DCSTAMP: variants seen among roughly 807,000 people sequenced by gnomAD.
DCSTAMP encodes dendritic cell-specific transmembrane protein.
In DCSTAMP, 25 loss-of-function variants were observed where a neutral mutation model predicts 33.8. The observed-to-expected ratio is 0.74, with a 90% CI of 0.54 to 1.03. DCSTAMP has a LOEUF of 1.03. Ranked by LOEUF, DCSTAMP falls within the 50% of genes least tolerant of loss-of-function variation. The pLI is 0.00. For missense variants in DCSTAMP, 531 were observed against 556.8 expected, an observed-to-expected ratio of 0.95 and a Z score of 0.47; for synonymous variants, 245 against 216.7, an observed-to-expected ratio of 1.13 and a Z score of -1.15.
At chr8:104,342,609 T>A (rs1018626610) in intron 1 of DCSTAMP, among the ~76,000 whole-genome samples, 5 of 152,232 alleles carry the variant, frequency 3.3e-5, no homozygotes, top group Admixed American at 3.3e-4. Flanking sequence ...ATCTCCTTAC[T>A]TCCTTCACTG....
At chr8:104,355,575 T>C (rs1810601563) in intron 3 of DCSTAMP, among the ~76,000 whole-genome samples, 1 of 152,140 alleles carries the variant, frequency 6.6e-6, no homozygotes, top group South Asian at 2.1e-4. Context: ...AATTTGTTCA[T>C]TTTCCAGTGT....
rs1810628411 is a variant in DCSTAMP, at chr8:104,356,482, A to G, written c.*284A>G. ...GCTGGGTCCCCTGGTGATGAGTTTC[A>G]GCATAGAATAATGTTCAAGGAAAAG... On this transcript the variant is annotated 3_prime_UTR_variant, in exon 4 of 4. Transcript: ENST00000297581. The G allele has an allele frequency of 8.5e-6, 2 of 234,096 alleles. No homozygotes were observed. Among genetic ancestry groups the G allele is most frequent in the South Asian group, 1.4e-4 (1 of 7,080 alleles). The allele number at this position is 234,096 out of a possible 1,614,324, so 14.5% of individuals were successfully genotyped here.
intron 1 of DCSTAMP, among the ~76,000 whole-genome samples, chr8:104,346,991 T>G (rs1810331772): frequency 6.6e-6 from 1 of 152,270 alleles, no homozygotes; most frequent in Non-Finnish European, 1.5e-5. Context: ...TATTTGAGAT[T>G]GTTTAAAAAC....
chr8:104,349,075 C>A lies in DCSTAMP; in HGVS notation c.523C>A (p.Leu175Ile). Residue 175 changes from leucine (L) to isoleucine (I), a missense_variant, in exon 2 of 4, where the codon CTT (leucine) becomes ATT (isoleucine). By Grantham distance (5) the Leu-to-Ile change is conservative (BLOSUM62 2). Coordinates refer to ENST00000297581, the MANE Select transcript of DCSTAMP (RefSeq NM_030788.4). The part of the protein sequence containing the change: ...VSWNQTLAVS[L>I]FSPSHVLEAQ... The stretch of plus-strand genomic sequence containing the variant: ...TTGGAACCAGACCCTGGCAGTCTCT[C>A]TTTTCAGTCCCAGCCATGTCCTGGA... 2.5e-6 allele frequency: 4 copies of A among 1,614,146 alleles called. No individual in the cohort carries two copies. Among genetic ancestry groups the A allele is most frequent in the Non-Finnish European group, 3.4e-6 (4 of 1,180,048 alleles).
chr8:104,342,836 C>G (rs999163765), intron 1 of DCSTAMP, among the ~76,000 whole-genome samples: 2 of 152,126 alleles, frequency 1.3e-5, no homozygotes, highest in South Asian at 4.1e-4. Context: ...CCGGGGTGCC[C>G]GAGTTTAAGG....
intron 2 of DCSTAMP, among the ~76,000 whole-genome samples, chr8:104,349,981 C>T (rs993504261): frequency 2.6e-5 from 4 of 152,166 alleles, no homozygotes; most frequent in Admixed American, 2.6e-4. Context: ...CCACATCACT[C>T]CCGTCTCTGC....
chr8:104,356,382 A>T lies in DCSTAMP; in HGVS notation c.*184A>T, dbSNP rs1564068907. The stretch of plus-strand genomic sequence containing the variant: ...TTCATCTCAAAGCCAAAGAGCTGCC[A>T]GGTAAATGGTTATGTGGTCTATGTT... On this transcript the variant is annotated 3_prime_UTR_variant, in exon 4 of 4. Transcript: ENST00000297581. The T allele has an allele frequency of 2.0e-6, 1 of 487,910 alleles. No individual in the cohort carries two copies. Among genetic ancestry groups the T allele is most frequent in the Non-Finnish European group, 3.6e-6 (1 of 280,862 alleles). The allele number at this position is 487,910 out of a possible 1,614,324, so 30.2% of individuals were successfully genotyped here.
intron 2 of DCSTAMP, 80 bp downstream of exon 2, chr8:104,349,661 G>A: frequency 1.3e-6 from 2 of 1,485,572 alleles, no homozygotes; most frequent in Non-Finnish European, 1.8e-6. Context: ...ACCTCCCGAG[G>A]CAGGGCAGTG....
chr8:104,355,246 G>C, intron 3 of DCSTAMP, 61 bp downstream of exon 3: 2 of 1,527,960 alleles, frequency 1.3e-6, no homozygotes, highest in Non-Finnish European at 1.8e-6. Flanking sequence ...GAGGGAAATG[G>C]GAAAGGGGAC....
At chr8:104,348,487 G>T in intron 1 of DCSTAMP, 54 bp from the exon 2 acceptor site, 2 of 1,544,176 alleles carry the variant, frequency 1.3e-6, no homozygotes. Context: ...CCTTTACGAA[G>T]GTCAGAGGAC....
intron 1 of DCSTAMP, among the ~76,000 whole-genome samples, chr8:104,342,236 A>T (rs78600680): frequency 0.054 from 8,210 of 152,248 alleles, 496 homozygotes; most frequent in East Asian, 0.23. Context: ...ACAGGAATGG[A>T]GAAGAGGAGG....
In DCSTAMP at chr8:104,356,122, A is replaced by G; in HGVS notation, c.1339-2A>G. On this transcript the variant is annotated splice_acceptor_variant, in intron 3 of 3. Coordinates refer to ENST00000297581, the MANE Select transcript of DCSTAMP (RefSeq NM_030788.4). LOFTEE classifies it high-confidence loss of function. ...CATTTATCCACTTTTCTGTCTCTTCAGATTCATTTCTGGCTTCCAGTCCTG... is the reference window on the plus strand; with the variant it reads ...CATTTATCCACTTTTCTGTCTCTTCGGATTCATTTCTGGCTTCCAGTCCTG... 6.2e-7 allele frequency: 1 copy of G among 1,609,550 alleles called. No homozygotes were observed. Among genetic ancestry groups the G allele is most frequent in the Non-Finnish European group, 8.5e-7 (1 of 1,178,186 alleles).
chr8:104,348,819 T>G lies in DCSTAMP; in HGVS notation c.267T>G (p.Cys89Trp), dbSNP rs1810383314. ...RCFILLVFLS[C>W]GLREGRNALI... ...TTATTCTTCTTGTCTTTCTCTCTTG[T>G]GGCCTGCGTGAAGGCAGGAATGCTT... The change falls in exon 2 of 4, where the codon TGT (cysteine) becomes TGG (tryptophan). Residue 89 changes from cysteine (C) to tryptophan (W), a missense_variant. Physicochemically the swap from Cys to Trp is radical, Grantham distance 215. Coordinates refer to ENST00000297581, the MANE Select transcript of DCSTAMP (RefSeq NM_030788.4). 1 of 1,614,096 alleles carries G rather than the reference T, an allele frequency of 6.2e-7. No individual in the cohort carries two copies. Among genetic ancestry groups the G allele is most frequent in the Non-Finnish European group, 8.5e-7 (1 of 1,180,056 alleles).
intron 1 of DCSTAMP, among the ~76,000 whole-genome samples, chr8:104,342,702 C>G (rs1000255059): frequency 6.6e-6 from 1 of 152,194 alleles, no homozygotes; most frequent in African/African-American, 2.4e-5. Flanking sequence ...CCATTCCTGA[C>G]CCCAGCTCAA....
At chr8:104,350,527 A>G (rs1588375389) in intron 2 of DCSTAMP, among the ~76,000 whole-genome samples, 1 of 152,248 alleles carries the variant, frequency 6.6e-6, no homozygotes, top group Non-Finnish European at 1.5e-5. Context: ...GATAGCACCC[A>G]CTTTTAAAAA....
chr8:104,344,464 G>A (rs1330294336), intron 1 of DCSTAMP, among the ~76,000 whole-genome samples: 3 of 152,090 alleles, frequency 2.0e-5, no homozygotes, highest in Non-Finnish European at 4.4e-5. Context: ...TATACAGCAC[G>A]CCCAGCATCA....
intron 2 of DCSTAMP, among the ~76,000 whole-genome samples, chr8:104,353,573 G>T (rs1377891309): frequency 1.3e-5 from 2 of 152,206 alleles, no homozygotes; most frequent in Non-Finnish European, 2.9e-5. Context: ...CTATTTAATT[G>T]TAGGCAGCCT....
At chr8:104,351,929 C>CT (rs550443945) in intron 2 of DCSTAMP, among the ~76,000 whole-genome samples, 32 of 152,020 alleles carry the variant, frequency 2.1e-4, no homozygotes, top group Admixed American at 1.6e-3. Flanking sequence ...ACAGCTGTTT[C>CT]TTTTTTTAAA....
At chr8:104,355,676 G>A (rs183614629) in intron 3 of DCSTAMP, among the ~76,000 whole-genome samples, 54 of 151,988 alleles carry the variant, frequency 3.6e-4, no homozygotes, top group Admixed American at 3.2e-3. Flanking sequence ...TACATAAAAT[G>A]GACATATATC....
Sources: gnomAD v4.1 joint callset for allele counts (sites outside exome capture counted in the v4.1 genomes callset) on GRCh38, gnomAD v4.1.1 for gene constraint, MANE v1.5 for transcripts, NCBI Gene and HGNC (gene_info 2026-07-23, HGNC 2026-07-21) for gene names.